Variants in POLE observed in about 807,000 individuals in gnomAD.
POLE encodes the protein DNA polymerase epsilon, catalytic subunit.
In POLE, 188 loss-of-function variants were observed where a neutral mutation model predicts 279.2. The ratio of observed to expected loss-of-function variants is 0.67; its 90% CI spans 0.60 to 0.76. The LOEUF is 0.76. Among genes scored for constraint, POLE ranks in the 30% least tolerant of loss-of-function variants. The probability of loss-of-function intolerance (pLI) is 0.00; values close to 1 mark genes in which losing one functional copy is unlikely to be tolerated. For synonymous variants in POLE, 1,214 were observed against 1,172.5 expected (o/e 1.04, Z -0.72); for missense variants, 2,703 against 3,016.7 (o/e 0.90, Z 2.44).
chr12:132,652,709 T>C (rs1332471759), intron 29 of POLE, among the ~76,000 whole-genome samples: 2 of 152,128 alleles, frequency 1.3e-5, no homozygotes, highest in Non-Finnish European at 2.9e-5. Flanking sequence ...TGCAGTCCAC[T>C]CTCTCCTTAA....
At chr12:132,654,586 G>C (rs985897248) in intron 29 of POLE, among the ~76,000 whole-genome samples, 6 of 152,048 alleles carry the variant, frequency 3.9e-5, no homozygotes, top group African/African-American at 1.4e-4. Flanking sequence ...TCCTGAAAAA[G>C]ATGTGACCAG....
chr12:132,625,173 G>C, intron 47 of POLE, 179 bp from the exon 48 acceptor site: 6 of 681,464 alleles, frequency 8.8e-6, no homozygotes, highest in Non-Finnish European at 1.1e-5. Flanking sequence ...CGGTGCCAGC[G>C]CCTTCCCTAC....
chr12:132,634,524 C>A lies in POLE; in HGVS notation c.5812-146G>T, dbSNP rs2041997997. On this transcript the variant is annotated intron_variant, in intron 42 of 48. Coordinates refer to ENST00000320574, the MANE Select transcript of POLE (RefSeq NM_006231.4). The surrounding 1 kb of genome is among the most constrained non-coding windows in gnomAD (Gnocchi z 4.0). ...CTCGCAGTCAAGGCATCCCCTGGAG[C>A]CTGCGTGAATCCCCCAGGGTGGCTC... 1.3e-6 allele frequency: 1 copy of A among 789,958 alleles called. No individual in the cohort carries two copies. The highest frequency in any genetic ancestry group is 1.7e-5 in the African/African-American group (1 of 57,582). 48.9% of individuals were successfully genotyped at this position (789,958 alleles called of 1,614,324 possible).
At position 132,632,963 on chromosome 12, in the gene POLE, G is replaced by A. The variant is rs985408132; in HGVS notation, c.6005-168C>T. Reference sequence around the variant, plus strand: ...TGAGCTAAAAGTAAATTAGAGAAGTGAGAAGTGGAAATGAGAAGGAACACT... The same window carrying A: ...TGAGCTAAAAGTAAATTAGAGAAGTAAGAAGTGGAAATGAGAAGGAACACT... On this transcript the variant is annotated intron_variant, in intron 43 of 48. Transcript: ENST00000320574. 3 of 686,738 alleles carry A rather than the reference G, an allele frequency of 4.4e-6. No homozygotes were observed. In the South Asian group the frequency reaches 6.0e-5, roughly 14 times the overall value. 42.5% of individuals were successfully genotyped at this position (686,738 alleles called of 1,614,324 possible). A position where few individuals can be genotyped will look rare whatever the true frequency, so the allele number is the denominator to read the frequency against.
At position 132,643,677 on chromosome 12, in the gene POLE, A is replaced by T. The variant is rs1006600796; in HGVS notation, c.4291-117T>A. ...TGCAGCTGCCCGGCCCACTGCCCAA[A>T]GGCCACTTTTGGCAGACACACTGCT... On this transcript the variant is annotated intron_variant, in intron 33 of 48. Transcript: ENST00000320574. The T allele has an allele frequency of 1.3e-5, 20 of 1,509,820 alleles. No individual in the cohort carries two copies. In the African/African-American group the frequency reaches 2.6e-4, roughly 20 times the overall value. 93.5% of individuals were successfully genotyped at this position (1,509,820 alleles called of 1,614,324 possible).
chr12:132,642,117 G>A (rs1162785212), intron 38 of POLE, 60 bp downstream of exon 38: 10 of 1,371,476 alleles, frequency 7.3e-6, no homozygotes, highest in African/African-American at 1.4e-5. Flanking sequence ...TTGAGAAGAT[G>A]TCACAGAATG....
At position 132,625,549 on chromosome 12, in the gene POLE, G is replaced by A. The variant is rs5745077; in HGVS notation, c.6657+96C>T. The A allele has an allele frequency of 1.7e-3, 2,580 of 1,482,198 alleles. 41 individuals are homozygous for A. The African/African-American group carries it at 0.031, about 18-fold the overall frequency. The allele number at this position is 1,482,198 out of a possible 1,614,324, so 91.8% of individuals were successfully genotyped here. A position where few individuals can be genotyped will look rare whatever the true frequency, so the allele number is the denominator to read the frequency against. On this transcript the variant is annotated intron_variant, in intron 47 of 48. Coordinates refer to ENST00000320574, the MANE Select transcript of POLE (RefSeq NM_006231.4). ...CAGGCCCCTTGGAAGACACCAGGGC[G>A]TGCCTCAGGACCTGCACACACCCCG...
Position 132,672,210 on chromosome 12 carries a change from G to T in POLE, c.1794+5C>A, listed in dbSNP as rs200095915. 8.7e-6 allele frequency: 14 copies of T among 1,604,956 alleles called. No homozygotes were observed. Among genetic ancestry groups the T allele is most frequent in the Non-Finnish European group, 1.1e-5 (13 of 1,171,704 alleles). ...ACTGGCTCTTCCTGCCTCCCTGATG[G>T]TTACCTCTTCAAAGTTGGTGACTTG... On this transcript the variant is annotated splice_donor_5th_base_variant and intron_variant, in intron 16 of 48. Coordinates refer to ENST00000320574, the MANE Select transcript of POLE (RefSeq NM_006231.4).
At chr12:132,656,784 T>C (rs1214915712) in intron 29 of POLE, among the ~76,000 whole-genome samples, 1 of 152,246 alleles carries the variant, frequency 6.6e-6, no homozygotes, top group Non-Finnish European at 1.5e-5. Flanking sequence ...TTACACTGTG[T>C]CCTGTGTTTC....
rs4883576 is a variant in POLE, at chr12:132,667,231, C to T, written c.2319+272G>A. Reference sequence around the variant, plus strand: ...GTTCGTAAAACTTGATGTACTCAAACGGCCAGCCAGCTGTAGCTTGCTGAC... The same window carrying T: ...GTTCGTAAAACTTGATGTACTCAAATGGCCAGCCAGCTGTAGCTTGCTGAC... On this transcript the variant is annotated intron_variant, in intron 20 of 48. Transcript: ENST00000320574. Among the ~76,000 whole-genome samples the T allele has an allele frequency of 0.69, 104,347 of 152,098 alleles. 36,974 individuals carry two copies. Among genetic ancestry groups the T allele is most frequent in the African/African-American group, 0.86 (35,628 of 41,508 alleles).
At position 132,677,361 on chromosome 12, in the gene POLE, A is replaced by G. The variant is rs1593080925; in HGVS notation, c.801+2T>C. The G allele has an allele frequency of 3.1e-6, 5 of 1,612,318 alleles. No individual in the cohort carries two copies. Among genetic ancestry groups the G allele is most frequent in the Non-Finnish European group, 4.2e-6 (5 of 1,178,332 alleles). On this transcript the variant is annotated splice_donor_variant, in intron 8 of 48. Coordinates refer to ENST00000320574, the MANE Select transcript of POLE (RefSeq NM_006231.4). LOFTEE classifies it high-confidence loss of function. ...GATGAAGGTAACACAAGCAAAACTT[A>G]CAGGTCGTTCAACAAGGTCATCTCG...
intron 8 of POLE, among the ~76,000 whole-genome samples, chr12:132,677,066 T>A (rs1593080450): frequency 6.6e-6 from 1 of 152,184 alleles, no homozygotes; most frequent in African/African-American, 2.4e-5. Context: ...TAGTTACAAA[T>A]CCATTTTTCA....
chr12:132,653,907 T>C (rs2042477135), intron 29 of POLE, among the ~76,000 whole-genome samples: 1 of 152,240 alleles, frequency 6.6e-6, no homozygotes, highest in South Asian at 2.1e-4. Flanking sequence ...TGTTTCTGCA[T>C]CTATTGGAGA....
At chr12:132,686,283 G>T (rs192925619) in intron 1 of POLE, among the ~76,000 whole-genome samples, 2 of 148,928 alleles carry the variant, frequency 1.3e-5, no homozygotes, top group Admixed American at 1.3e-4. Context: ...TTTGAGACTG[G>T]GTCTGGCTCC....
In POLE at chr12:132,659,525, G is replaced by A. The variant is rs2138679579; in HGVS notation, c.3061-16C>T. The A allele has an allele frequency of 6.2e-7, 1 of 1,606,652 alleles. No individual in the cohort carries two copies. Among genetic ancestry groups the A allele is most frequent in the East Asian group, 2.2e-5 (1 of 44,856 alleles). The stretch of plus-strand genomic sequence containing the variant: ...TGTTGGCTGCCTAGAGAAAGACAAT[G>A]GGTAAAACACTGCAGAAATCAAGGG... On this transcript the variant is annotated splice_polypyrimidine_tract_variant and intron_variant, in intron 25 of 48. Transcript: ENST00000320574.
intron 3 of POLE, 139 bp from the exon 4 acceptor site, chr12:132,680,361 C>T (rs1593086722): frequency 1.3e-6 from 1 of 783,320 alleles, no homozygotes. Flanking sequence ...TACAGGAAGT[C>T]AGAATGCGCA....
rs761495946 is a variant in POLE at position 132,649,798 on chromosome 12, G to A, written c.3674C>T (p.Ala1225Val). The A allele has an allele frequency of 6.2e-7, 1 of 1,614,198 alleles. No individual in the cohort carries two copies. Among genetic ancestry groups the A allele is most frequent in the Admixed American group, 1.7e-5 (1 of 60,030 alleles). ...FGLVKLPHPA[A>V]PVTVKRKRVL... Reference sequence around the variant, plus strand: ...TCGCTTCCTCTTCACAGTGACAGGGGCTGCTGGGTGAGGCAGCTTTACGAG... The same window carrying A: ...TCGCTTCCTCTTCACAGTGACAGGGACTGCTGGGTGAGGCAGCTTTACGAG... Residue 1225 changes from alanine to valine, a missense_variant, in exon 30 of 49, where the codon GCC (alanine) becomes GTC (valine). Around this residue, in one of 5 missense-constraint regions of POLE, gnomAD observed 1,551 missense variants for 1,686.1 expected, o/e 0.92. Transcript: ENST00000320574.
rs1424912893 is a variant in POLE at position 132,675,067 on chromosome 12, G to A, written c.1226+331C>T. Reference sequence around the variant, plus strand: ...TGAGGCTTGTCCTGTGAGGCAGCCGGGCTGCCACATCCCAACCTTGCCTGG... The same window carrying A: ...TGAGGCTTGTCCTGTGAGGCAGCCGAGCTGCCACATCCCAACCTTGCCTGG... On this transcript the variant is annotated intron_variant, in intron 12 of 48. Transcript: ENST00000320574. This position sits in a 1 kb window ranked among gnomAD's most constrained non-coding sequence, Gnocchi z 4.3. Among the ~76,000 whole-genome samples the A allele has an allele frequency of 1.3e-5, 2 of 152,316 alleles. No homozygotes were observed. Among genetic ancestry groups the A allele is most frequent in the East Asian group, 1.9e-4 (1 of 5,174 alleles).
intron 10 of POLE, 76 bp downstream of exon 10, chr12:132,676,018 G>T: frequency 9.6e-7 from 1 of 1,036,464 alleles, no homozygotes; most frequent in Non-Finnish European, 1.5e-6. Flanking sequence ...CTGACGGAAT[G>T]CCTGAGGCCT....
Sources: allele counts gnomAD v4.1 joint callset (sites outside exome capture counted in the v4.1 genomes callset), GRCh38; gene constraint gnomAD v4.1.1; regional missense constraint gnomAD v4.1.1; non-coding constraint Gnocchi (gnomAD v3.1); transcripts MANE v1.5; gene names NCBI Gene and HGNC (gene_info 2026-07-23, HGNC 2026-07-21).